Variants in NTM observed in about 807,000 individuals in gnomAD.
NTM encodes IgLON family member 2.
Under a neutral mutation model 42.1 loss-of-function variants are expected in NTM, and 13 were observed. The observed-to-expected ratio is 0.31, with a 90% CI of 0.20 to 0.49. The LOEUF is 0.49. NTM is among the 20% of genes least tolerant of loss of function. The pLI is 0.99. For synonymous variants in NTM, 187 were observed against 179.2 expected (o/e 1.04, Z -0.35); for missense variants, 373 against 452.8 (o/e 0.82, Z 1.60).
At chr11:132,273,665 G>C (rs1458158722) in intron 4 of NTM, among the ~76,000 whole-genome samples, 1 of 152,068 alleles carries the variant, frequency 6.6e-6, no homozygotes, top group African/African-American at 2.4e-5. Flanking sequence ...CTAGCACTTT[G>C]GGAGGCCGAG....
intron 2 of NTM, among the ~76,000 whole-genome samples, chr11:131,927,146 G>A (rs192947384): frequency 6.6e-6 from 1 of 152,192 alleles, no homozygotes; most frequent in African/African-American, 2.4e-5. Flanking sequence ...CCTACACAGT[G>A]TGTATGCTAA....
At chr11:131,584,122 G>A (rs1565666576) in intron 1 of NTM, among the ~76,000 whole-genome samples, 1 of 152,194 alleles carries the variant, frequency 6.6e-6, no homozygotes, top group Non-Finnish European at 1.5e-5. Flanking sequence ...AAGCTCAGAG[G>A]TTAACTGGCT....
intron 1 of NTM, among the ~76,000 whole-genome samples, chr11:131,595,727 G>T (rs528250698): frequency 6.6e-6 from 1 of 152,330 alleles, no homozygotes; most frequent in South Asian, 2.1e-4. Context: ...TCAAGCTTCT[G>T]TGCCTCCTAT....
intron 1 of NTM, among the ~76,000 whole-genome samples, chr11:131,743,168 T>C (rs1266593775): frequency 6.6e-6 from 1 of 152,168 alleles, no homozygotes; most frequent in Non-Finnish European, 1.5e-5. Context: ...CACAAAGACT[T>C]AACAAGTTGT....
chr11:131,400,680 A>T (rs1326729643), intron 1 of NTM, among the ~76,000 whole-genome samples: 1 of 152,224 alleles, frequency 6.6e-6, no homozygotes, highest in Non-Finnish European at 1.5e-5. Context: ...ATACCAGAAA[A>T]GAAAATCTGA....
intron 1 of NTM, among the ~76,000 whole-genome samples, chr11:131,439,836 G>A (rs1258724902): frequency 2.0e-5 from 3 of 152,016 alleles, no homozygotes; most frequent in Non-Finnish European, 4.4e-5. Context: ...ACTAGTCCCA[G>A]TGAGATGAAC....
chr11:131,931,050 G>C lies in NTM; in HGVS notation c.167+19402G>C, dbSNP rs185186191. ...ATAGTAGTGTTCATAACGTTTCTGCGTAGTGGAATTGCGAGTGACATAGAT... is the reference window on the plus strand; with the variant it reads ...ATAGTAGTGTTCATAACGTTTCTGCCTAGTGGAATTGCGAGTGACATAGAT... On this transcript the variant is annotated intron_variant, in intron 2 of 8. Coordinates refer to ENST00000683400, the MANE Select transcript of NTM (RefSeq NM_001352005.2). 1.6e-3 allele frequency among the ~76,000 whole-genome samples: 246 copies of C among 152,258 alleles called. 1 individual carries two copies. The highest frequency in any genetic ancestry group is 5.6e-3 in the African/African-American group (232 of 41,558).
chr11:131,946,338 G>A (rs1401232344), intron 2 of NTM, among the ~76,000 whole-genome samples: 2 of 152,156 alleles, frequency 1.3e-5, no homozygotes, highest in African/African-American at 2.4e-5. Context: ...CTAAAAAGAT[G>A]TCAGACACCT....
chr11:132,072,724 G>A (rs2057855004), intron 2 of NTM, among the ~76,000 whole-genome samples: 1 of 152,114 alleles, frequency 6.6e-6, no homozygotes, highest in Non-Finnish European at 1.5e-5. Flanking sequence ...CAGTTGGAGA[G>A]TGCCGTGTAC....
chr11:132,058,073 G>A (rs2079990158), intron 2 of NTM, among the ~76,000 whole-genome samples: 1 of 152,084 alleles, frequency 6.6e-6, no homozygotes, highest in Admixed American at 6.6e-5. Context: ...TGTTAGCTCT[G>A]ATCCCTCTGA....
chr11:131,379,864 C>T lies in NTM; in HGVS notation c.82+8976C>T, dbSNP rs111367407. On this transcript the variant is annotated intron_variant, in intron 1 of 8. Transcript: ENST00000683400. Reference sequence around the variant, plus strand: ...GTTCTTCTCTAGAGTTGTTCTGCTTCCTCTGCATCCTTCTTCCAGTCTTCT... The same window carrying T: ...GTTCTTCTCTAGAGTTGTTCTGCTTTCTCTGCATCCTTCTTCCAGTCTTCT... Among the ~76,000 whole-genome samples, 309 of 152,280 alleles carry T rather than the reference C, an allele frequency of 2.0e-3. 4 individuals carry two copies. The highest frequency in any genetic ancestry group is 7.1e-3 in the African/African-American group (294 of 41,566).
At chr11:131,660,681 A>C (rs2067906115) in intron 1 of NTM, 1 of 431,048 alleles carries the variant, frequency 2.3e-6, no homozygotes, top group Admixed American at 2.6e-5. Context: ...AAGCGGGGAC[A>C]GAGGGTGTGG....
At chr11:131,463,824 G>T (rs1317923442) in intron 1 of NTM, among the ~76,000 whole-genome samples, 1 of 152,212 alleles carries the variant, frequency 6.6e-6, no homozygotes, top group Non-Finnish European at 1.5e-5. Flanking sequence ...CTAATCAGGC[G>T]GTGGCTCCAG....
At chr11:131,667,489 C>A (rs771365764) in intron 1 of NTM, among the ~76,000 whole-genome samples, 1 of 152,146 alleles carries the variant, frequency 6.6e-6, no homozygotes, top group Non-Finnish European at 1.5e-5. Context: ...TTCATTGGTG[C>A]TCTGATTCCA....
intron 2 of NTM, among the ~76,000 whole-genome samples, chr11:131,937,923 T>C (rs1288456595): frequency 6.6e-6 from 1 of 152,198 alleles, no homozygotes; most frequent in Non-Finnish European, 1.5e-5. Flanking sequence ...CTTGAGTGCC[T>C]TTTTGGTGAG....
chr11:131,833,797 G>A (rs1471002239), intron 1 of NTM, among the ~76,000 whole-genome samples: 1 of 151,980 alleles, frequency 6.6e-6, no homozygotes. Flanking sequence ...AATATTCAAG[G>A]GCATAAATTC....
Position 131,671,650 on chromosome 11 carries a change from C to T in NTM, c.83-239914C>T, listed in dbSNP as rs1238409798. ...TGGCTCAGAGCCCTGTGAGAACCACCAAGACTCAGCGGTATAGGAAGCAGA... is the reference window on the plus strand; with the variant it reads ...TGGCTCAGAGCCCTGTGAGAACCACTAAGACTCAGCGGTATAGGAAGCAGA... On this transcript the variant is annotated intron_variant, in intron 1 of 8. Transcript: ENST00000683400. 4 of 963,328 alleles carry T rather than the reference C, an allele frequency of 4.2e-6. No homozygotes were observed. The African/African-American group carries it at 7.0e-5, about 17-fold the overall frequency. The allele number at this position is 963,328 out of a possible 1,614,324, so 59.7% of individuals were successfully genotyped here. A position where few individuals can be genotyped will look rare whatever the true frequency, so the allele number is the denominator to read the frequency against.
At chr11:132,141,331 T>C (rs1370457410) in intron 2 of NTM, among the ~76,000 whole-genome samples, 1 of 152,082 alleles carries the variant, frequency 6.6e-6, no homozygotes, top group Admixed American at 6.5e-5. Flanking sequence ...CTTCAGGACC[T>C]GAGTCCATAC....
intron 2 of NTM, among the ~76,000 whole-genome samples, chr11:131,993,632 C>G (rs61903472): frequency 0.17 from 25,074 of 151,886 alleles, 2,683 homozygotes; most frequent in Admixed American, 0.24. Flanking sequence ...TAATTAAGAA[C>G]AAAGAAAATA....
Sources: allele counts gnomAD v4.1 joint callset (sites outside exome capture counted in the v4.1 genomes callset), GRCh38; gene constraint gnomAD v4.1.1; transcripts MANE v1.5; gene names NCBI Gene and HGNC (gene_info 2026-07-23, HGNC 2026-07-21).